The following NUMB variants were observed in gnomAD, a reference collection of about 807,000 sequenced individuals.
The protein encoded by NUMB is NUMB endocytic adaptor protein.
A neutral mutation model predicts 59.7 loss-of-function variants in NUMB; 29 were observed. The ratio of observed to expected loss-of-function variants is 0.49; its 90% confidence interval spans 0.36 to 0.66. The LOEUF is 0.66. NUMB is among the 30% of genes least tolerant of loss of function. The probability of loss-of-function intolerance (pLI) is 0.00; values close to 1 mark genes in which losing one functional copy is unlikely to be tolerated. For synonymous variants in NUMB, 288 were observed against 288.2 expected, an observed-to-expected ratio of 1.00 and a Z score of 0.01; for missense variants, 723 against 822.0, an observed-to-expected ratio of 0.88 and a Z score of 1.47.
At position 73,441,073 on chromosome 14, in the gene NUMB, T is replaced by A. The variant is rs148759774; in HGVS notation, c.-233+17420A>T. On this transcript the variant is annotated intron_variant, in intron 1 of 12. Coordinates refer to ENST00000555238, the MANE Select transcript of NUMB (RefSeq NM_001005743.2). ...ATCATTATGTCTGACAAGGAACTTA[T>A]ATCCAGAATATATAAAGAAAACATA... 4.7e-3 allele frequency among the ~76,000 whole-genome samples: 716 copies of A among 152,172 alleles called. 6 individuals are homozygous for A. Among genetic ancestry groups the A allele is most frequent in the African/African-American group, 0.017 (687 of 41,532 alleles).
intron 2 of NUMB, among the ~76,000 whole-genome samples, chr14:73,394,063 T>C (rs28661864): frequency 0.25 from 37,276 of 151,896 alleles, 4,894 homozygotes; most frequent in Non-Finnish European, 0.26. Context: ...CCTCCCGGGT[T>C]CAAGCGATTC....
At chr14:73,283,956 T>C (rs1009335547) in intron 10 of NUMB, 125 bp downstream of exon 10, 7 of 864,440 alleles carry the variant, frequency 8.1e-6, no homozygotes, top group East Asian at 5.0e-5. Context: ...TGACAAAAGA[T>C]ACAACTATCA....
At chr14:73,404,052 G>A (rs1005114394) in intron 2 of NUMB, among the ~76,000 whole-genome samples, 4 of 148,266 alleles carry the variant, frequency 2.7e-5, no homozygotes, top group Admixed American at 2.0e-4. Context: ...GAAATCACCT[G>A]AGCGACAGAG....
At chr14:73,447,153 C>A (rs1479606051) in intron 1 of NUMB, among the ~76,000 whole-genome samples, 1 of 145,642 alleles carries the variant, frequency 6.9e-6, no homozygotes, top group East Asian at 2.0e-4. Flanking sequence ...TGCCACCGCA[C>A]TCCAGCCTGG....
chr14:73,377,474 T>C (rs981141069), intron 2 of NUMB, among the ~76,000 whole-genome samples: 2 of 150,546 alleles, frequency 1.3e-5, no homozygotes, highest in Admixed American at 1.3e-4. Context: ...AACCCATCTC[T>C]ACTAAAAATA....
rs1172923505 is a variant in NUMB at position 73,343,806 on chromosome 14, T to C, written c.126+11820A>G. ...TCTCCTTTTTGGATGCTATCAAGTTTTGAAATACTATGTATGTAAAAAGAA... is the reference window on the plus strand; with the variant it reads ...TCTCCTTTTTGGATGCTATCAAGTTCTGAAATACTATGTATGTAAAAAGAA... On this transcript the variant is annotated intron_variant, in intron 4 of 12. Transcript: ENST00000555238. 7.2e-5 allele frequency among the ~76,000 whole-genome samples: 11 copies of C among 152,370 alleles called. No individual in the cohort carries two copies. In the East Asian group the frequency reaches 1.7e-3, roughly 24 times the overall value.
chr14:73,317,364 C>T (rs1250329575), intron 5 of NUMB, among the ~76,000 whole-genome samples: 4 of 152,146 alleles, frequency 2.6e-5, no homozygotes, highest in African/African-American at 4.8e-5. Context: ...TGCAGTGGCA[C>T]GATCTCAGGT....
intron 1 of NUMB, among the ~76,000 whole-genome samples, chr14:73,456,814 G>A (rs1232146095): frequency 6.6e-6 from 1 of 152,190 alleles, no homozygotes; most frequent in African/African-American, 2.4e-5. Flanking sequence ...CATCATTTGA[G>A]ATAAATATAA....
intron 6 of NUMB, among the ~76,000 whole-genome samples, chr14:73,307,250 A>C (rs1230850598): frequency 5.3e-5 from 8 of 151,766 alleles, no homozygotes; most frequent in Non-Finnish European, 1.2e-4. Context: ...CGGAGCTTGC[A>C]GTGAGCCGAG....
chr14:73,302,436 T>C (rs1890199658), intron 6 of NUMB, among the ~76,000 whole-genome samples: 1 of 146,300 alleles, frequency 6.8e-6, no homozygotes, highest in Non-Finnish European at 1.5e-5. Context: ...GAGACGAGTC[T>C]TACTCTGTCG....
chr14:73,308,155 G>A (rs1462317756), intron 6 of NUMB, among the ~76,000 whole-genome samples: 1 of 152,170 alleles, frequency 6.6e-6, no homozygotes, highest in East Asian at 1.9e-4. Context: ...CAGATAAGAG[G>A]AGATGCTGGC....
intron 1 of NUMB, among the ~76,000 whole-genome samples, chr14:73,422,183 A>G (rs1185130599): frequency 6.6e-6 from 1 of 152,028 alleles, no homozygotes; most frequent in Non-Finnish European, 1.5e-5. Context: ...TTTCACCTAC[A>G]ATGTCTGGGG....
chr14:73,410,640 T>C (rs1331635835), intron 1 of NUMB, among the ~76,000 whole-genome samples: 1 of 152,242 alleles, frequency 6.6e-6, no homozygotes, highest in Non-Finnish European at 1.5e-5. Flanking sequence ...ATGGCTTCTT[T>C]TATGAGATTA....
At chr14:73,344,474 T>C (rs1477535964) in intron 4 of NUMB, among the ~76,000 whole-genome samples, 1 of 152,214 alleles carries the variant, frequency 6.6e-6, no homozygotes, top group Non-Finnish European at 1.5e-5. Context: ...AAAGGTGTGG[T>C]CTCCAAAACC....
rs568417873 is a variant in NUMB, at chr14:73,287,100, C to G, written c.655+10G>C. On this transcript the variant is annotated intron_variant, in intron 9 of 12. Transcript: ENST00000555238. ...CATTCCATAAATACACACTGTAGAA[C>G]AGATTGTACCTTTCTTGGCATCTTG... is the stretch of plus-strand genomic sequence containing the variant. 1.9e-6 allele frequency: 3 copies of G among 1,612,686 alleles called. No individual in the cohort carries two copies. Among genetic ancestry groups the G allele is most frequent in the East Asian group, 2.2e-5 (1 of 44,848 alleles).
At chr14:73,322,792 T>A (rs994913356) in intron 5 of NUMB, 3 of 153,698 alleles carry the variant, frequency 2.0e-5, no homozygotes, top group African/African-American at 7.2e-5. Flanking sequence ...TAATAATTTA[T>A]ACCTCTGGAT....
At chr14:73,364,358 G>C (rs1894234620) in intron 3 of NUMB, among the ~76,000 whole-genome samples, 1 of 151,856 alleles carries the variant, frequency 6.6e-6, no homozygotes, top group Non-Finnish European at 1.5e-5. Flanking sequence ...ACAAAAATTA[G>C]CCAGGCATGG....
intron 6 of NUMB, among the ~76,000 whole-genome samples, chr14:73,302,113 T>C (rs1257731125): frequency 6.6e-6 from 1 of 152,080 alleles, no homozygotes; most frequent in African/African-American, 2.4e-5. Flanking sequence ...AAAATTGTGC[T>C]TTTTGAGATA....
At chr14:73,382,992 A>G (rs1895325266) in intron 2 of NUMB, among the ~76,000 whole-genome samples, 1 of 152,188 alleles carries the variant, frequency 6.6e-6, no homozygotes, top group African/African-American at 2.4e-5. Context: ...CCAAAAATAC[A>G]AAAATCAGCT....
Sources: gnomAD v4.1 joint callset for allele counts (sites outside exome capture counted in the v4.1 genomes callset) on GRCh38, gnomAD v4.1.1 for gene constraint, MANE v1.5 for transcripts, NCBI Gene and HGNC (gene_info 2026-07-23, HGNC 2026-07-21) for gene names.